The following LIPE variants were observed in gnomAD, a reference collection of about 807,000 sequenced individuals.
LIPE encodes the protein hormone-sensitive lipase.
In LIPE, 66 loss-of-function variants were observed where a neutral mutation model predicts 88.5. The observed-to-expected ratio is 0.75, with a 90% CI of 0.61 to 0.91. The LOEUF (loss-of-function observed/expected upper bound fraction) is 0.91, where lower values mean the gene tolerates loss of function less well. Among genes scored for constraint, LIPE ranks in the 40% least tolerant of loss-of-function variants. LIPE has a pLI of 0.00. For synonymous variants in LIPE, 570 were observed against 617.5 expected (o/e 0.92, Z 1.14); for missense variants, 1,346 against 1,434.7 (o/e 0.94, Z 1.00).
At chr19:42,403,695 C>T (rs530486813) in intron 8 of LIPE, among the ~76,000 whole-genome samples, 11 of 152,046 alleles carry the variant, frequency 7.2e-5, no homozygotes, top group South Asian at 4.2e-4. Context: ...TCAAGTGATC[C>T]GCTCGCCTCG....
At chr19:42,403,127 G>A (rs1397936143) in intron 8 of LIPE, 96 bp from the exon 9 acceptor site, 18 of 1,180,776 alleles carry the variant, frequency 1.5e-5, no homozygotes, top group Admixed American at 1.1e-4. Context: ...CCTGTGGAGC[G>A]CTGTGAAAGG....
chr19:42,414,142 G>A lies in LIPE; in HGVS notation c.884-3300C>T, dbSNP rs2040441131. ...AAATACAAAAATTAGCGGTATGGTG[G>A]TGGATGCCTGTAGTCCCCACTATTG... On this transcript the variant is annotated intron_variant, in intron 1 of 9. Coordinates refer to ENST00000244289, the MANE Select transcript of LIPE (RefSeq NM_005357.4). The surrounding 1 kb of genome is among the most constrained non-coding windows in gnomAD (Gnocchi z 4.6). 6.6e-6 allele frequency among the ~76,000 whole-genome samples: 1 copy of A among 152,144 alleles called. No homozygotes were observed. The highest frequency in any genetic ancestry group is 2.1e-4 in the South Asian group (1 of 4,832).
In LIPE at chr19:42,408,416, C is replaced by G. The variant is rs189030810; in HGVS notation, c.1420-94G>C. On this transcript the variant is annotated intron_variant, in intron 2 of 9. Transcript: ENST00000244289. This position sits in a 1 kb window ranked among gnomAD's most constrained non-coding sequence, Gnocchi z 4.3. ...CAGGGATGTGCGGGGAAGACACATT[C>G]ATTCAGTAAACGTTTCATGAGCTCC... 3.3e-5 allele frequency: 33 copies of G among 1,013,846 alleles called. No homozygotes were observed. The African/African-American group carries it at 3.6e-4, about 11-fold the overall frequency. 62.8% of individuals were successfully genotyped at this position (1,013,846 alleles called of 1,614,324 possible).
Position 42,401,714 on chromosome 19 carries a change from G to GC in LIPE, c.*97dup. The stretch of plus-strand genomic sequence containing the variant: ...TTTCGGGCCCCCGCCCCGCCCCCTT[G>GC]CCACCCCCGACTTAAGTAAGGCACA... On this transcript the variant is annotated 3_prime_UTR_variant, in exon 10 of 10. Transcript: ENST00000244289. 1 of 143,854 alleles carries GC rather than the reference G, an allele frequency of 7.0e-6. No individual in the cohort carries two copies. Among genetic ancestry groups the GC allele is most frequent in the Non-Finnish European group, 1.1e-5 (1 of 89,264 alleles). The allele number at this position is 143,854 out of a possible 1,614,324, so 8.9% of individuals were successfully genotyped here.
intron 1 of LIPE, chr19:42,423,542 CCCCGCGGTCCT>C (rs2040644524): frequency 8.0e-7 from 1 of 1,247,504 alleles, no homozygotes; most frequent in African/African-American, 1.6e-5. Context: ...TCCATCAATT[CCCCGCGGTCCT>C]CCCGCGGGGG....
In LIPE at chr19:42,410,442, G is replaced by T. The variant is rs201786557; in HGVS notation, c.1284C>A (p.Tyr428Ter). 1 of 1,614,162 alleles carries T rather than the reference G, an allele frequency of 6.2e-7. No homozygotes were observed. The highest frequency in any genetic ancestry group is 1.1e-5 in the South Asian group (1 of 91,090). ...GATTGGTAACCAGCAGGCGCTGGGC[G>T]TAGTAGACCAGAGCGCGGAGCTGGG... The part of the protein sequence containing the change: ...ALTQLRALVY[Y>*]AQRLLVTNRP... The change falls in exon 2 of 10, where the codon TAC becomes TAA. Residue 428 changes from tyrosine (Y) to a stop codon, truncating the protein, a stop_gained. Coordinates refer to ENST00000244289, the MANE Select transcript of LIPE (RefSeq NM_005357.4). LOFTEE classifies it high-confidence loss of function. This position sits in a 1 kb window ranked among gnomAD's most constrained non-coding sequence, Gnocchi z 6.1.
chr19:42,410,584 CG>C lies in LIPE; in HGVS notation c.1141del (p.Arg381AlafsTer182), dbSNP rs752905599. On this transcript the variant is annotated frameshift_variant, in exon 2 of 10. Coordinates refer to ENST00000244289, the MANE Select transcript of LIPE (RefSeq NM_005357.4). LOFTEE classifies it high-confidence loss of function. This position sits in a 1 kb window ranked among gnomAD's most constrained non-coding sequence, Gnocchi z 6.1. The part of the protein sequence containing the change: ...NGYRSLVHTA[R>X]CCLAHLLHKS... ...GTGCAGGAGGTGCGCCAGGCAGCAG[CG>C]GGCTGTGTGCACTAGGCTGCGGTAC... 6.2e-7 allele frequency: 1 copy of C among 1,613,102 alleles called. No individual in the cohort carries two copies. Among genetic ancestry groups the C allele is most frequent in the South Asian group, 1.1e-5 (1 of 91,080 alleles).
intron 1 of LIPE, among the ~76,000 whole-genome samples, chr19:42,412,081 C>T (rs938103181): frequency 3.3e-5 from 5 of 152,206 alleles, no homozygotes; most frequent in Admixed American, 6.5e-5. Context: ...AGCCACATCT[C>T]AAAACTTGCC....
chr19:42,409,709 G>GC (rs1435253087), intron 2 of LIPE, among the ~76,000 whole-genome samples: 1 of 152,258 alleles, frequency 6.6e-6, no homozygotes, highest in African/African-American at 2.4e-5. Context: ...GGTTTGGGCA[G>GC]CCCCGGGATC....
At position 42,427,022 on chromosome 19, in the gene LIPE, T is replaced by G; in HGVS notation, c.128A>C (p.Gln43Pro). 2.5e-6 allele frequency: 4 copies of G among 1,614,018 alleles called. No individual in the cohort carries two copies. In the South Asian group the frequency reaches 4.4e-5, roughly 18 times the overall value. The change falls in exon 1 of 10, where the codon CAG (glutamine) becomes CCG (proline). Residue 43 changes from glutamine (Q) to proline (P), a missense_variant. Coordinates refer to ENST00000244289, the MANE Select transcript of LIPE (RefSeq NM_005357.4). Reference protein sequence around the residue: ...PIAQPESKTLQGSNTQQKPAS... With the variant: ...PIAQPESKTLPGSNTQQKPAS... The stretch of plus-strand genomic sequence containing the variant: ...AGGCTTCTGTTGGGTATTGGATCCC[T>G]GCAGAGTCTTCGATTCTGGCTGGGC...
Position 42,406,792 on chromosome 19 carries a change from G to C in LIPE, c.2137+382C>G, listed in dbSNP as rs540471715. 1.8e-4 allele frequency among the ~76,000 whole-genome samples: 28 copies of C among 152,200 alleles called. No homozygotes were observed. The highest frequency in any genetic ancestry group is 4.1e-4 in the Non-Finnish European group (28 of 68,034). On this transcript the variant is annotated intron_variant, in intron 6 of 9. Transcript: ENST00000244289. The surrounding 1 kb of genome is among the most constrained non-coding windows in gnomAD (Gnocchi z 5.7). The stretch of plus-strand genomic sequence containing the variant: ...TGCAAGCTCTGTGCCCTGGGGCATG[G>C]CCACACTCTGCTCTGTGCCTCAGTG...
chr19:42,409,702 T>C (rs555195401), intron 2 of LIPE, among the ~76,000 whole-genome samples: 38 of 152,212 alleles, frequency 2.5e-4, no homozygotes, highest in Non-Finnish European at 4.9e-4. Context: ...GGATGCTGGT[T>C]TGGGCAGCCC....
chr19:42,424,106 G>A, intron 1 of LIPE: 1 of 1,189,988 alleles, frequency 8.4e-7, no homozygotes, highest in Non-Finnish European at 1.1e-6. Context: ...AGGGAGCCCC[G>A]CTTTCCCTCT....
At chr19:42,424,854 G>A (rs1462761185) in intron 1 of LIPE, 1 of 354,940 alleles carries the variant, frequency 2.8e-6, no homozygotes, top group Non-Finnish European at 5.5e-6. Flanking sequence ...GGGCTCCTGT[G>A]AAGCAGGCAG....
In LIPE at chr19:42,426,990, T is replaced by C; in HGVS notation, c.160A>G (p.Asn54Asp). The C allele has an allele frequency of 6.2e-7, 1 of 1,613,988 alleles. No individual in the cohort carries two copies. Among genetic ancestry groups the C allele is most frequent in the Non-Finnish European group, 8.5e-7 (1 of 1,179,990 alleles). Reference sequence around the variant, plus strand: ...TCCTGCTGGGTGAGGGGTCTTTGGTTTGAAGCAGGCTTCTGTTGGGTATTG... The same window carrying C: ...TCCTGCTGGGTGAGGGGTCTTTGGTCTGAAGCAGGCTTCTGTTGGGTATTG... ...GSNTQQKPAS[N>D]QRPLTQQETP... The change falls in exon 1 of 10, where the codon AAC (asparagine) becomes GAC (aspartate). Residue 54 changes from asparagine to aspartate, a missense_variant. Coordinates refer to ENST00000244289, the MANE Select transcript of LIPE (RefSeq NM_005357.4).
chr19:42,409,983 C>T (rs2040321273), intron 2 of LIPE, among the ~76,000 whole-genome samples: 1 of 152,146 alleles, frequency 6.6e-6, no homozygotes, highest in African/African-American at 2.4e-5. Context: ...GGGTCTCAAA[C>T]TCAAGTGACT....
chr19:42,409,618 G>A (rs34274129), intron 2 of LIPE, among the ~76,000 whole-genome samples: 2,846 of 152,342 alleles, frequency 0.019, 45 homozygotes, highest in Non-Finnish European at 0.025. Flanking sequence ...CCTGCACCAA[G>A]GCAGAGCTGG....
Position 42,410,974 on chromosome 19 carries a change from C to A in LIPE, c.884-132G>T. On this transcript the variant is annotated intron_variant, in intron 1 of 9. Coordinates refer to ENST00000244289, the MANE Select transcript of LIPE (RefSeq NM_005357.4). The surrounding 1 kb of genome is among the most constrained non-coding windows in gnomAD (Gnocchi z 6.1). ...TGCTGTCTTCTTTCAGTTCCAGGGG[C>A]CCAGGACCCCAGGTTCCTCCTCCCT... The A allele has an allele frequency of 1.2e-6, 1 of 862,758 alleles. No homozygotes were observed. The highest frequency in any genetic ancestry group is 2.1e-5 in the South Asian group (1 of 48,678). The allele number at this position is 862,758 out of a possible 1,614,324, so 53.4% of individuals were successfully genotyped here.
At chr19:42,425,722 A>C (rs2040694785) in intron 1 of LIPE, among the ~76,000 whole-genome samples, 4 of 152,078 alleles carry the variant, frequency 2.6e-5, no homozygotes, top group Non-Finnish European at 5.9e-5. Flanking sequence ...AGGTATGAGG[A>C]TCGCTTGAGC....
Sources: allele counts gnomAD v4.1 joint callset (sites outside exome capture counted in the v4.1 genomes callset), GRCh38; gene constraint gnomAD v4.1.1; non-coding constraint Gnocchi (gnomAD v3.1); transcripts MANE v1.5; gene names NCBI Gene and HGNC (gene_info 2026-07-23, HGNC 2026-07-21).